Variants in WSB2 observed in about 807,000 individuals in gnomAD.
The protein encoded by WSB2 is WD repeat and SOCS box containing 2.
In WSB2, 12 loss-of-function variants were observed where a neutral mutation model predicts 48.8. The observed-to-expected ratio is 0.25, with a 90% CI of 0.16 to 0.40. WSB2 has a LOEUF of 0.40. Ranked by LOEUF, WSB2 falls within the 10% of genes least tolerant of loss-of-function variation. The probability of loss-of-function intolerance (pLI) is 1.00; values close to 1 mark genes in which losing one functional copy is unlikely to be tolerated. For synonymous variants in WSB2, 191 were observed against 203.1 expected (o/e 0.94, Z 0.51); for missense variants, 317 against 506.2 (o/e 0.63, Z 3.59).
At chr12:118,061,220 G>T, upstream of WSB2, 1 of 983,382 alleles carries the variant, frequency 1.0e-6, no homozygotes, top group Non-Finnish European at 1.2e-6. Flanking sequence ...ACGCGCGGGG[G>T]CGGGGCGCAG....
At chr12:118,034,576 T>G (rs892657246) in intron 8 of WSB2, 3 of 540,244 alleles carry the variant, frequency 5.6e-6, no homozygotes, top group Non-Finnish European at 6.4e-6. Context: ...ACCAAAGCGC[T>G]CTCTCTGTCT....
Position 118,036,421 on chromosome 12 carries a change from G to A in WSB2, c.750C>T (p.Asp250=). Residue 250 remains aspartate (D), a synonymous_variant, in exon 6 of 9, where the codon GAC becomes GAT. Transcript: ENST00000315436. ...AAGAAGCCGTGACAAGCAGGGCAGA[G>A]TCGGGGGAGAAGTCACAAGAGACAA... is the stretch of plus-strand genomic sequence containing the variant. The part of the protein sequence containing the change: ...SSVVSCDFSP[D]SALLVTASYD... The A allele has an allele frequency of 6.2e-7, 1 of 1,614,246 alleles. No individual in the cohort carries two copies. The highest frequency in any genetic ancestry group is 2.2e-5 in the East Asian group (1 of 44,884).
At chr12:118,037,884 A>G (rs1201685568) in intron 5 of WSB2, 2 of 158,152 alleles carry the variant, frequency 1.3e-5, no homozygotes, top group African/African-American at 4.8e-5. Context: ...ATTTCAGGAC[A>G]AAGTTCAACA....
At chr12:118,046,466 CAA>C (rs57540760) in intron 2 of WSB2, among the ~76,000 whole-genome samples, 25,163 of 112,940 alleles carry the variant, frequency 0.22, 2,178 homozygotes, top group African/African-American at 0.27. Context: ...GACTCCATCT[CAA>C]AAAAAAAAAA....
intron 4 of WSB2, among the ~76,000 whole-genome samples, chr12:118,041,339 G>A (rs571022271): frequency 2.0e-5 from 3 of 152,176 alleles, no homozygotes; most frequent in Non-Finnish European, 2.9e-5. Flanking sequence ...GAAGGTGGCT[G>A]TTTACAAGCC....
intron 3 of WSB2, 57 bp downstream of exon 3, chr12:118,043,076 T>C: frequency 6.2e-7 from 1 of 1,613,930 alleles, no homozygotes; most frequent in Non-Finnish European, 8.5e-7. Flanking sequence ...GGAGGCGACA[T>C]AGTCAGAACA....
rs1381199159 is a variant in WSB2 at position 118,060,477 on chromosome 12, C to G, written c.13+559G>C. ...GGAATAGATTGTTTCAATAGGGAAC[C>G]CAGACCCCAGACCCCATTTTTACCG... On this transcript the variant is annotated intron_variant, in intron 1 of 8. Coordinates refer to ENST00000315436, the MANE Select transcript of WSB2 (RefSeq NM_018639.5). This position sits in a 1 kb window ranked among gnomAD's most constrained non-coding sequence, Gnocchi z 4.1. 6.6e-6 allele frequency among the ~76,000 whole-genome samples: 1 copy of G among 152,084 alleles called. No homozygotes were observed. Among genetic ancestry groups the G allele is most frequent in the Non-Finnish European group, 1.5e-5 (1 of 68,016 alleles).
At chr12:118,061,278 C>T, upstream of WSB2, 1 of 805,550 alleles carries the variant, frequency 1.2e-6, no homozygotes, top group Non-Finnish European at 1.5e-6. Flanking sequence ...TGGGGGGCAG[C>T]TGAGGGAAAA....
chr12:118,050,514 C>T (rs1386086402), intron 2 of WSB2, among the ~76,000 whole-genome samples: 2 of 151,956 alleles, frequency 1.3e-5, no homozygotes, highest in African/African-American at 4.8e-5. Context: ...GGTGGCGCGC[C>T]TGTAGTATCA....
chr12:118,057,427 A>T (rs1257972737), intron 1 of WSB2, among the ~76,000 whole-genome samples: 2 of 151,858 alleles, frequency 1.3e-5, no homozygotes, highest in Non-Finnish European at 2.9e-5. Context: ...GGCATGCGCC[A>T]CCACACCTGG....
chr12:118,052,710 G>T, intron 1 of WSB2: 1 of 606,862 alleles, frequency 1.6e-6, no homozygotes, highest in Non-Finnish European at 2.8e-6. Flanking sequence ...TAACCTTTGT[G>T]CCCATGAACC....
At chr12:118,034,583 G>GCTCTCTCTCTCTCTCTCTCTCTC (rs1555267406) in intron 8 of WSB2, 11 of 538,150 alleles carry the variant, frequency 2.0e-5, no homozygotes, top group Non-Finnish European at 3.5e-5. Flanking sequence ...CGCTCTCTCT[G>GCTCTCTCTCTCTCTCTCTCTCTC]TCTCTCTCTC....
rs1032335159 is a variant in WSB2, at chr12:118,054,346, G to A, written c.14-1868C>T. ...GCGGAGGTTACAGTGAGCCGAGATC[G>A]TGCCACTGCACTCCAGCCTGGGTGA... On this transcript the variant is annotated intron_variant, in intron 1 of 8. Coordinates refer to ENST00000315436, the MANE Select transcript of WSB2 (RefSeq NM_018639.5). Among the ~76,000 whole-genome samples the A allele has an allele frequency of 7.3e-5, 11 of 151,540 alleles. No individual in the cohort carries two copies. In the South Asian group the frequency reaches 8.4e-4, roughly 12 times the overall value.
chr12:118,038,470 A>C, intron 4 of WSB2, 82 bp from the exon 5 acceptor site: 1 of 1,314,094 alleles, frequency 7.6e-7, no homozygotes, highest in Non-Finnish European at 1.1e-6. Flanking sequence ...GGGTGGTAAC[A>C]GCCCCCAGCC....
chr12:118,055,181 A>T (rs1418615031), intron 1 of WSB2, among the ~76,000 whole-genome samples: 2 of 152,168 alleles, frequency 1.3e-5, no homozygotes, highest in African/African-American at 4.8e-5. Context: ...CTATAGACCC[A>T]GGGTTCTCAA....
chr12:118,049,939 G>A (rs928740534), intron 2 of WSB2, among the ~76,000 whole-genome samples: 1 of 152,234 alleles, frequency 6.6e-6, no homozygotes, highest in Admixed American at 6.5e-5. Context: ...CAAGGGCCAT[G>A]TCTGATTTAT....
intron 4 of WSB2, chr12:118,042,335 TG>T (rs2031653524): frequency 6.5e-6 from 1 of 154,968 alleles, no homozygotes; most frequent in South Asian, 2.0e-4. Flanking sequence ...CTGGAGAGGA[TG>T]CTACTGGCAT....
At chr12:118,051,329 T>C (rs1459956269) in intron 2 of WSB2, among the ~76,000 whole-genome samples, 2 of 152,234 alleles carry the variant, frequency 1.3e-5, no homozygotes, top group Non-Finnish European at 2.9e-5. Flanking sequence ...TTTCTATAAA[T>C]GTTCATAGCA....
At chr12:118,062,059 G>C (rs1252785471), upstream of WSB2, 1 of 1,529,308 alleles carries the variant, frequency 6.5e-7, no homozygotes. Context: ...ATAAAAAACG[G>C]GGCAGGAGCG....
Sources: allele counts gnomAD v4.1 joint callset (sites outside exome capture counted in the v4.1 genomes callset), GRCh38; gene constraint gnomAD v4.1.1; non-coding constraint Gnocchi (gnomAD v3.1); transcripts MANE v1.5; gene names NCBI Gene and HGNC (gene_info 2026-07-23, HGNC 2026-07-21).